The following EVA1C variants were observed in gnomAD, a reference collection of about 807,000 sequenced individuals.
EVA1C encodes protein eva-1 homolog C.
A neutral mutation model predicts 45.4 loss-of-function variants in EVA1C; 25 were observed. The ratio of observed to expected loss-of-function variants is 0.55; its 90% CI spans 0.40 to 0.77. EVA1C has a LOEUF of 0.77. Ranked by LOEUF, EVA1C falls within the 30% of genes least tolerant of loss-of-function variation. EVA1C has a pLI of 0.00. For synonymous variants in EVA1C, 190 were observed against 221.2 expected, an observed-to-expected ratio of 0.86 and a Z score of 1.25; for missense variants, 479 against 554.8, an observed-to-expected ratio of 0.86 and a Z score of 1.37.
chr21:32,504,545 G>C (rs2037660867), intron 7 of EVA1C, among the ~76,000 whole-genome samples: 1 of 152,122 alleles, frequency 6.6e-6, no homozygotes, highest in South Asian at 2.1e-4. Context: ...TTATACCAAG[G>C]CCGGCCACAC....
intron 1 of EVA1C, among the ~76,000 whole-genome samples, chr21:32,413,900 T>C (rs1175011879): frequency 6.6e-6 from 1 of 152,156 alleles, no homozygotes; most frequent in Non-Finnish European, 1.5e-5. Flanking sequence ...AGCCCCATAC[T>C]CCTCCTTCTC....
chr21:32,421,943 G>C (rs1243150953), intron 1 of EVA1C, among the ~76,000 whole-genome samples: 1 of 151,650 alleles, frequency 6.6e-6, no homozygotes, highest in African/African-American at 2.4e-5. Context: ...TAGTTGGAAG[G>C]CTGCGACATG....
At chr21:32,473,881 G>A in intron 4 of EVA1C, 1 of 983,550 alleles carries the variant, frequency 1.0e-6, no homozygotes, top group Non-Finnish European at 1.2e-6. Flanking sequence ...GATGAACAGG[G>A]CATCCTCAGG....
intron 1 of EVA1C, among the ~76,000 whole-genome samples, chr21:32,440,527 ATAG>A (rs561685828): frequency 1.4e-3 from 219 of 152,356 alleles, no homozygotes; most frequent in Non-Finnish European, 2.5e-3. Flanking sequence ...TTGAAATAAA[ATAG>A]TAGTGTAATC....
At chr21:32,421,981 G>T (rs2034290376) in intron 1 of EVA1C, among the ~76,000 whole-genome samples, 1 of 150,252 alleles carries the variant, frequency 6.7e-6, no homozygotes, top group Non-Finnish European at 1.5e-5. Context: ...GGAGGTGGAG[G>T]TTGCAGTGAG....
Position 32,467,075 on chromosome 21 carries a change from C to T in EVA1C, c.482-621C>T, listed in dbSNP as rs1040158006. Among the ~76,000 whole-genome samples the T allele has an allele frequency of 2.0e-5, 3 of 152,096 alleles. 1 individual carries two copies. The highest frequency in any genetic ancestry group is 4.4e-5 in the Non-Finnish European group (3 of 68,018). On this transcript the variant is annotated intron_variant, in intron 3 of 7. Transcript: ENST00000300255. Reference sequence around the variant, plus strand: ...AGGATTGCTTGAGCCTAGGTTTGAGCCCAAGAGTTCGAGGCTGCAGTGAGC... The same window carrying T: ...AGGATTGCTTGAGCCTAGGTTTGAGTCCAAGAGTTCGAGGCTGCAGTGAGC...
At chr21:32,470,940 G>A (rs1243297370) in intron 4 of EVA1C, among the ~76,000 whole-genome samples, 2 of 151,770 alleles carry the variant, frequency 1.3e-5, no homozygotes. Context: ...TGTATTTTTA[G>A]TAGAGACGGG....
intron 1 of EVA1C, among the ~76,000 whole-genome samples, chr21:32,420,356 C>T (rs895840207): frequency 7.2e-5 from 11 of 152,056 alleles, no homozygotes; most frequent in Admixed American, 3.3e-4. Context: ...GGCAATAGAG[C>T]GAGACCCTGT....
intron 4 of EVA1C, among the ~76,000 whole-genome samples, chr21:32,468,229 C>T (rs1396708495): frequency 1.3e-5 from 2 of 151,782 alleles, no homozygotes; most frequent in Non-Finnish European, 2.9e-5. Context: ...ATTAGCCAGG[C>T]ATGGTGGCGG....
intron 7 of EVA1C, among the ~76,000 whole-genome samples, chr21:32,508,698 C>T (rs2037852125): frequency 6.6e-6 from 1 of 152,218 alleles, no homozygotes; most frequent in African/African-American, 2.4e-5. Context: ...CGGGCCCTGA[C>T]TGCTGCCTCG....
chr21:32,414,440 C>A (rs141395102), intron 1 of EVA1C, among the ~76,000 whole-genome samples: 1 of 152,166 alleles, frequency 6.6e-6, no homozygotes, highest in East Asian at 1.9e-4. Context: ...AACTGACAAG[C>A]CTTTTTGTGT....
At chr21:32,464,378 T>C (rs1301737398) in intron 3 of EVA1C, among the ~76,000 whole-genome samples, 9 of 152,202 alleles carry the variant, frequency 5.9e-5, no homozygotes, top group Non-Finnish European at 1.3e-4. Context: ...CCCGTCCTCA[T>C]GGATGAAAGG....
chr21:32,422,236 A>C (rs1601205693), intron 1 of EVA1C, among the ~76,000 whole-genome samples: 1 of 152,324 alleles, frequency 6.6e-6, no homozygotes, highest in Non-Finnish European at 1.5e-5. Context: ...GATTAGGTAT[A>C]GCTGAAGAGA....
intron 7 of EVA1C, among the ~76,000 whole-genome samples, chr21:32,512,074 A>G (rs1308076038): frequency 6.6e-6 from 1 of 152,158 alleles, no homozygotes; most frequent in African/African-American, 2.4e-5. Context: ...ATACATAGAG[A>G]CGGAAAATAA....
At chr21:32,411,787 G>C (rs1006861182), upstream of EVA1C, among the ~76,000 whole-genome samples, 1 of 152,210 alleles carries the variant, frequency 6.6e-6, no homozygotes, top group Admixed American at 6.5e-5. Context: ...ATAGGGTTTG[G>C]GTCGCTGGGC....
chr21:32,431,587 C>T (rs940161469), intron 1 of EVA1C, among the ~76,000 whole-genome samples: 12 of 152,142 alleles, frequency 7.9e-5, no homozygotes, highest in East Asian at 5.8e-4. Context: ...CCTATTACAT[C>T]GCCAAGGTTG....
Position 32,412,825 on chromosome 21 carries a change from T to A in EVA1C, c.-29T>A. On this transcript the variant is annotated 5_prime_UTR_variant, in exon 1 of 8. Coordinates refer to ENST00000300255, the MANE Select transcript of EVA1C (RefSeq NM_058187.5). ...TGCGACCCCCAGCGCGTCCCGGGCC[T>A]GCGCCTCCGCCCCGCCGCGCAGCGC... 1 of 1,378,320 alleles carries A rather than the reference T, an allele frequency of 7.3e-7. No individual in the cohort carries two copies. The highest frequency in any genetic ancestry group is 1.5e-5 in the African/African-American group (1 of 65,684). 85.4% of individuals were successfully genotyped at this position (1,378,320 alleles called of 1,614,324 possible).
At chr21:32,468,255 G>A (rs1278548223) in intron 4 of EVA1C, among the ~76,000 whole-genome samples, 1 of 151,930 alleles carries the variant, frequency 6.6e-6, no homozygotes, top group African/African-American at 2.4e-5. Context: ...TGTAATCCTA[G>A]CTACTTGGGA....
chr21:32,500,087 A>C (rs960826732), intron 5 of EVA1C, among the ~76,000 whole-genome samples: 1 of 152,080 alleles, frequency 6.6e-6, no homozygotes, highest in Non-Finnish European at 1.5e-5. Context: ...GGTAGAAAGC[A>C]GAAGAGTAGG....
Sources: allele counts gnomAD v4.1 joint callset (sites outside exome capture counted in the v4.1 genomes callset), GRCh38; gene constraint gnomAD v4.1.1; transcripts MANE v1.5; gene names NCBI Gene and HGNC (gene_info 2026-07-23, HGNC 2026-07-21).